TMEM165: variants seen among roughly 807,000 people sequenced by gnomAD.
TMEM165 encodes the protein transmembrane protein 165.
TMEM165 carries 19 observed loss-of-function variants against 30.0 expected under a neutral mutation model. The observed-to-expected ratio is 0.63, with a 90% confidence interval of 0.44 to 0.93. The LOEUF (loss-of-function observed/expected upper bound fraction) is 0.93, where lower values mean the gene tolerates loss of function less well. TMEM165 is among the 40% of genes least tolerant of loss of function. The pLI, the probability that TMEM165 is intolerant of heterozygous loss-of-function variation, is 0.00. For missense variants in TMEM165, 340 were observed against 417.0 expected (o/e 0.82, Z 1.61); for synonymous variants, 168 against 162.9 (o/e 1.03, Z -0.24).
chr4:55,406,066 C>G (rs1721255033), intron 1 of TMEM165, among the ~76,000 whole-genome samples: 1 of 152,232 alleles, frequency 6.6e-6, no homozygotes, highest in Non-Finnish European at 1.5e-5. Context: ...TGAAATCCCA[C>G]TGAAACTTCC....
At chr4:55,438,269 T>G (rs201487137) in intron 3 of TMEM165, 10 of 1,613,994 alleles carry the variant, frequency 6.2e-6, no homozygotes, top group Non-Finnish European at 1.7e-6. Flanking sequence ...AGCTTCCCCA[T>G]GGGGAGAATT....
Position 55,441,477 on chromosome 4 carries a change from A to T in TMEM165, c.409-10762A>T, listed in dbSNP as rs747884167. ...TCACAATTCCAAAGATATGGAATCA[A>T]CCTAAGTGCCCATCAACCAATGAGT... is the stretch of plus-strand genomic sequence containing the variant. On this transcript the variant is annotated intron_variant, in intron 3 of 3. Coordinates refer to the TMEM165 transcript ENST00000608091. Among the ~76,000 whole-genome samples, 136 of 152,186 alleles carry T rather than the reference A, an allele frequency of 8.9e-4. 1 individual carries two copies. Among genetic ancestry groups the T allele is most frequent in the Non-Finnish European group, 1.5e-3 (105 of 68,034 alleles).
rs56157186 is a variant in TMEM165 at position 55,445,582 on chromosome 4, C to CTTTTTTTTTTTTTTTT, written c.409-6646_409-6631dup. On this transcript the variant is annotated intron_variant, in intron 3 of 3. Coordinates refer to the TMEM165 transcript ENST00000608091. The stretch of plus-strand genomic sequence containing the variant: ...TCTCTGCATCTGCTATTTCTATATT[C>CTTTTTTTTTTTTTTTT]TTTTTTTTTTTTTTTTTTTTTTTTT... Among the ~76,000 whole-genome samples, 198 of 68,588 alleles carry CTTTTTTTTTTTTTTTT rather than the reference C, an allele frequency of 2.9e-3. 34 individuals carry two copies. Among genetic ancestry groups the CTTTTTTTTTTTTTTTT allele is most frequent in the South Asian group, 7.2e-3 (9 of 1,250 alleles). 45.0% of individuals were successfully genotyped at this position (68,588 alleles called of 152,430 possible).
chr4:55,411,672 C>A lies in TMEM165; in HGVS notation c.266C>A (p.Thr89Asn), dbSNP rs750327792. Reference sequence around the variant, plus strand: ...AATAAAGAAGATCCTGCTACCCAAACTAATTTGGGATTTATCCATGCATTT... The same window carrying A: ...AATAAAGAAGATCCTGCTACCCAAAATAATTTGGGATTTATCCATGCATTT... ...HTNKEDPATQ[T>N]NLGFIHAFVA... The change falls in exon 2 of 6, where the codon ACT (threonine) becomes AAT (asparagine). Residue 89 changes from threonine (T) to asparagine (N), a missense_variant. Physicochemically the swap from Thr to Asn is moderately conservative, Grantham distance 65. This residue lies in a region of TMEM165 where 220 missense variants were observed against 307.6 expected (regional missense o/e 0.72). Transcript: ENST00000381334. 1 of 1,614,122 alleles carries A rather than the reference C, an allele frequency of 6.2e-7. No individual in the cohort carries two copies. The highest frequency in any genetic ancestry group is 1.7e-5 in the Admixed American group (1 of 60,018).
chr4:55,417,964 A>T lies in TMEM165; in HGVS notation c.771A>T (p.Thr257=). The T allele has an allele frequency of 6.2e-7, 1 of 1,610,638 alleles. No individual in the cohort carries two copies. The highest frequency in any genetic ancestry group is 1.1e-5 in the South Asian group (1 of 89,902). ...AEWGDRSQLT[T]IVLAAREDPY... ...GGGGTGATCGCTCTCAACTAACTACAATTGTATTGGCAGCTAGAGAGGTGA... is the reference window on the plus strand; with the variant it reads ...GGGGTGATCGCTCTCAACTAACTACTATTGTATTGGCAGCTAGAGAGGTGA... The change falls in exon 4 of 6, where the codon ACA becomes ACT. Residue 257 remains threonine, a synonymous_variant. Transcript: ENST00000381334.
intron 3 of TMEM165, chr4:55,444,930 C>T (rs900028211): frequency 1.1e-6 from 1 of 869,800 alleles, no homozygotes; most frequent in Non-Finnish European, 1.8e-6. Flanking sequence ...TCTAATCCAC[C>T]CATCTTTGCT....
chr4:55,440,375 T>C (rs963603888), intron 3 of TMEM165, among the ~76,000 whole-genome samples: 1 of 152,188 alleles, frequency 6.6e-6, no homozygotes, highest in Non-Finnish European at 1.5e-5. Flanking sequence ...CCCAAAAAAA[T>C]GATGCTTCTT....
chr4:55,396,171 G>T lies in TMEM165; in HGVS notation c.-19G>T. On this transcript the variant is annotated 5_prime_UTR_variant, in exon 1 of 6. Transcript: ENST00000381334. ...ACTTCCTCTTGCGGCGCCCGTGCGC[G>T]GCCGGCCCGGCAGGCGGGATGGCGG... 1 of 1,352,546 alleles carries T rather than the reference G, an allele frequency of 7.4e-7. No individual in the cohort carries two copies. Among genetic ancestry groups the T allele is most frequent in the South Asian group, 2.0e-5 (1 of 51,182 alleles). The allele number at this position is 1,352,546 out of a possible 1,614,324, so 83.8% of individuals were successfully genotyped here. A position where few individuals can be genotyped will look rare whatever the true frequency, so the allele number is the denominator to read the frequency against.
rs184667480 is a variant in TMEM165, at chr4:55,424,989, G to A, written c.898+346G>A. Reference sequence around the variant, plus strand: ...GGAGACCATATGTACTGATTCTGCTGAATATGTCCTGTGAAGCCACAGTTA... The same window carrying A: ...GGAGACCATATGTACTGATTCTGCTAAATATGTCCTGTGAAGCCACAGTTA... On this transcript the variant is annotated intron_variant, in intron 5 of 5. Transcript: ENST00000381334. Among the ~76,000 whole-genome samples, 22 of 152,330 alleles carry A rather than the reference G, an allele frequency of 1.4e-4. No individual in the cohort carries two copies. In the East Asian group the frequency reaches 4.2e-3, roughly 29 times the overall value.
chr4:55,417,786 T>C lies in TMEM165; in HGVS notation c.610-17T>C. The C allele has an allele frequency of 6.4e-7, 1 of 1,573,310 alleles. No individual in the cohort carries two copies. Among genetic ancestry groups the C allele is most frequent in the Non-Finnish European group, 8.6e-7 (1 of 1,159,430 alleles). Reference sequence around the variant, plus strand: ...TGCTTCCTGTGCTTACTTTCATTTGTTTATTATTTATTTTAGTTTCAACGA... The same window carrying C: ...TGCTTCCTGTGCTTACTTTCATTTGCTTATTATTTATTTTAGTTTCAACGA... On this transcript the variant is annotated splice_polypyrimidine_tract_variant and intron_variant, in intron 3 of 5. Transcript: ENST00000381334.
chr4:55,429,908 A>G (rs2109587740), downstream of TMEM165: 2 of 152,298 alleles, frequency 1.3e-5, no homozygotes, highest in South Asian at 4.1e-4. Context: ...AGTAAAGTAG[A>G]TTCAGACTGT....
intron 2 of TMEM165, among the ~76,000 whole-genome samples, chr4:55,414,535 C>A (rs1278957235): frequency 6.6e-6 from 1 of 152,036 alleles, no homozygotes. Context: ...TTGTTGCACT[C>A]ATCAACCCGT....
intron 3 of TMEM165, chr4:55,431,913 T>C (rs1253201412): frequency 2.6e-5 from 4 of 152,254 alleles, no homozygotes; most frequent in African/African-American, 9.6e-5. Flanking sequence ...AACAGTGCTC[T>C]TGATGGAGCT....
chr4:55,442,687 G>A (rs1305725312), intron 3 of TMEM165: 6 of 1,438,542 alleles, frequency 4.2e-6, no homozygotes, highest in Non-Finnish European at 5.8e-6. Context: ...TAATTATTTG[G>A]GAAGTATGCT....
chr4:55,442,421 A>G, intron 3 of TMEM165: 1 of 1,604,250 alleles, frequency 6.2e-7, no homozygotes, highest in Non-Finnish European at 8.5e-7. Context: ...CAAATGAAAT[A>G]TGACAACTAC....
chr4:55,412,967 T>TA (rs1560392683), intron 2 of TMEM165, among the ~76,000 whole-genome samples: 1 of 151,842 alleles, frequency 6.6e-6, no homozygotes. Flanking sequence ...TAGGGCTATT[T>TA]TTTATTTATT....
Position 55,411,817 on chromosome 4 carries a change from G to A in TMEM165, c.411G>A (p.Leu137=). 1 of 1,614,152 alleles carries A rather than the reference G, an allele frequency of 6.2e-7. No homozygotes were observed. The highest frequency in any genetic ancestry group is 8.5e-7 in the Non-Finnish European group (1 of 1,180,020). The part of the protein sequence containing the change: ...LTVLAGAMLA[L]GLMTCLSVLF... ...TGCTGGCTGGTGCAATGCTTGCCTT[G>A]GGACTAATGACATGCTTGTCAGGTG... The change falls in exon 2 of 6, where the codon TTG becomes TTA. Residue 137 remains leucine (L), a synonymous_variant. Coordinates refer to ENST00000381334, the MANE Select transcript of TMEM165 (RefSeq NM_018475.5).
At chr4:55,444,824 G>A in intron 3 of TMEM165, 1 of 1,594,288 alleles carries the variant, frequency 6.3e-7, no homozygotes, top group Non-Finnish European at 8.6e-7. Context: ...ATATATTTTA[G>A]AATTACTTAC....
At chr4:55,402,432 T>TACACAC (rs1721055683) in intron 1 of TMEM165, among the ~76,000 whole-genome samples, 2 of 34,912 alleles carry the variant, frequency 5.7e-5, no homozygotes, top group Admixed American at 5.1e-4. Flanking sequence ...TATATATATA[T>TACACAC]ATTTTTTTTT....
Sources: gnomAD v4.1 joint callset for allele counts (sites outside exome capture counted in the v4.1 genomes callset) on GRCh38, gnomAD v4.1.1 for gene constraint, gnomAD v4.1.1 regional missense constraint, MANE v1.5 for transcripts, NCBI Gene and HGNC (gene_info 2026-07-23, HGNC 2026-07-21) for gene names.